The following CACNB2 variants were observed in gnomAD, a reference collection of about 807,000 sequenced individuals.
The protein encoded by CACNB2 is calcium voltage-gated channel auxiliary subunit beta 2, also known as voltage-dependent L-type calcium channel subunit beta-2.
In CACNB2, 42 loss-of-function variants were observed where a neutral mutation model predicts 73.3. That is an observed-to-expected ratio of 0.57 (90% CI 0.45 to 0.74). CACNB2 has a LOEUF of 0.74. CACNB2 is among the 30% of genes least tolerant of loss of function. The pLI is 0.00. For synonymous variants in CACNB2, 348 were observed against 310.3 expected (o/e 1.12, Z -1.28); for missense variants, 940 against 853.0 (o/e 1.10, Z -1.27).
chr10:18,506,610 A>C, intron 6 of CACNB2, 63 bp downstream of exon 6: 3 of 1,078,550 alleles, frequency 2.8e-6, no homozygotes, highest in Admixed American at 1.7e-5. Flanking sequence ...AGCTCTATCC[A>C]GTTTTGTGAA....
At chr10:18,353,318 G>C (rs2041787742) in intron 2 of CACNB2, among the ~76,000 whole-genome samples, 1 of 152,052 alleles carries the variant, frequency 6.6e-6, no homozygotes, top group Non-Finnish European at 1.5e-5. Context: ...GCTGAGGCAG[G>C]AGAATCGCTT....
Position 18,442,926 on chromosome 10 carries a change from GTA to G in CACNB2, c.333+40897_333+40898del, listed in dbSNP as rs1316286386. Among the ~76,000 whole-genome samples, 79 of 49,410 alleles carry G rather than the reference GTA, an allele frequency of 1.6e-3. 1 individual carries two copies. Among genetic ancestry groups the G allele is most frequent in the Non-Finnish European group, 1.7e-3 (50 of 29,512 alleles). The allele number at this position is 49,410 out of a possible 152,430, so 32.4% of individuals were successfully genotyped here. A position where few individuals can be genotyped will look rare whatever the true frequency, so the allele number is the denominator to read the frequency against. ...GTAAAAACAATATATATATATATAT[GTA>G]TATATATATATATGTGTATATATAT... is the stretch of plus-strand genomic sequence containing the variant. On this transcript the variant is annotated intron_variant, in intron 3 of 13. Transcript: ENST00000324631.
intron 2 of CACNB2, among the ~76,000 whole-genome samples, chr10:18,237,087 A>G (rs1384527604): frequency 1.3e-5 from 2 of 152,174 alleles, no homozygotes; most frequent in Non-Finnish European, 2.9e-5. Flanking sequence ...GTGCATTGCA[A>G]TTGCCTCCAA....
At chr10:18,241,062 G>A (rs774616857) in intron 2 of CACNB2, among the ~76,000 whole-genome samples, 3 of 152,148 alleles carry the variant, frequency 2.0e-5, no homozygotes, top group African/African-American at 4.8e-5. Context: ...CTTTGGAAAG[G>A]CTGATCAGAA....
intron 2 of CACNB2, among the ~76,000 whole-genome samples, chr10:18,369,855 C>G (rs1232983755): frequency 6.6e-6 from 1 of 152,140 alleles, no homozygotes; most frequent in Non-Finnish European, 1.5e-5. Context: ...TGCAGAGAGC[C>G]GAGATCATGC....
At chr10:18,242,646 C>A (rs532060778) in intron 2 of CACNB2, among the ~76,000 whole-genome samples, 1 of 152,082 alleles carries the variant, frequency 6.6e-6, no homozygotes, top group Admixed American at 6.6e-5. Context: ...TCAGAAGTGT[C>A]TGTATTAGAA....
chr10:18,443,663 T>G (rs1243685409), intron 3 of CACNB2, among the ~76,000 whole-genome samples: 9 of 151,974 alleles, frequency 5.9e-5, no homozygotes, highest in South Asian at 2.1e-4. Context: ...AAGAGAGCCT[T>G]CTGTCCTTAT....
intron 2 of CACNB2, among the ~76,000 whole-genome samples, chr10:18,371,345 A>G (rs1402114926): frequency 2.6e-5 from 4 of 152,038 alleles, no homozygotes; most frequent in South Asian, 2.1e-4. Context: ...TCCTAATGCT[A>G]TCCCTCCCCC....
chr10:18,160,371 T>C (rs1271530118), intron 2 of CACNB2, among the ~76,000 whole-genome samples: 1 of 152,182 alleles, frequency 6.6e-6, no homozygotes, highest in Non-Finnish European at 1.5e-5. Context: ...ATTCTTTCTG[T>C]AGTTACTTTT....
At chr10:18,271,203 C>T (rs2038040506) in intron 2 of CACNB2, among the ~76,000 whole-genome samples, 1 of 152,176 alleles carries the variant, frequency 6.6e-6, no homozygotes, top group African/African-American at 2.4e-5. Context: ...AATTTGGTTG[C>T]TACAGTTTGC....
intron 7 of CACNB2, chr10:18,515,181 C>A: frequency 1.4e-6 from 1 of 722,856 alleles, no homozygotes; most frequent in South Asian, 1.5e-5. Flanking sequence ...ATCCAAGATG[C>A]TACACAGCGA....
chr10:18,286,587 A>ATC (rs1045101562), intron 2 of CACNB2, among the ~76,000 whole-genome samples: 1 of 149,066 alleles, frequency 6.7e-6, no homozygotes, highest in African/African-American at 2.5e-5. Context: ...CATGTTATCT[A>ATC]TCTAACCATC....
intron 12 of CACNB2, among the ~76,000 whole-genome samples, chr10:18,536,693 G>T (rs189065143): frequency 2.0e-4 from 31 of 152,250 alleles, no homozygotes; most frequent in Admixed American, 3.9e-4. Flanking sequence ...TTGAGCACAA[G>T]TAATCCAAAC....
chr10:18,344,822 G>T (rs1440099694), intron 2 of CACNB2, among the ~76,000 whole-genome samples: 1 of 152,148 alleles, frequency 6.6e-6, no homozygotes, highest in African/African-American at 2.4e-5. Flanking sequence ...AGGAATGTGG[G>T]TGTAGGAATA....
intron 2 of CACNB2, among the ~76,000 whole-genome samples, chr10:18,273,433 A>AT (rs953901885): frequency 1.1e-3 from 171 of 149,586 alleles, no homozygotes; most frequent in Middle Eastern, 6.9e-3. Context: ...TAAAAACCGC[A>AT]TTTTTTTTTT....
intron 2 of CACNB2, among the ~76,000 whole-genome samples, chr10:18,279,036 A>G (rs1028127910): frequency 2.0e-5 from 3 of 152,156 alleles, no homozygotes; most frequent in Admixed American, 1.3e-4. Flanking sequence ...AATCTTTAGT[A>G]TGTTTTGGTT....
intron 10 of CACNB2, among the ~76,000 whole-genome samples, chr10:18,532,445 G>A (rs1004922046): frequency 1.3e-5 from 2 of 152,038 alleles, no homozygotes; most frequent in East Asian, 1.9e-4. Context: ...AGGCTAAGGC[G>A]GGAGATCACT....
intron 3 of CACNB2, among the ~76,000 whole-genome samples, chr10:18,481,433 G>T (rs1346857552): frequency 2.0e-5 from 3 of 150,332 alleles, no homozygotes; most frequent in African/African-American, 7.3e-5. Flanking sequence ...TTTTAGTAGA[G>T]ATGGAGTTTT....
At chr10:18,273,429 C>A (rs1394537146) in intron 2 of CACNB2, among the ~76,000 whole-genome samples, 1 of 151,706 alleles carries the variant, frequency 6.6e-6, no homozygotes, top group East Asian at 1.9e-4. Context: ...CAGATAAAAA[C>A]CGCATTTTTT....
Sources: allele counts gnomAD v4.1 joint callset (sites outside exome capture counted in the v4.1 genomes callset), GRCh38; gene constraint gnomAD v4.1.1; transcripts MANE v1.5; gene names NCBI Gene and HGNC (gene_info 2026-07-23, HGNC 2026-07-21).